Variants in DRC1 observed in about 807,000 individuals in gnomAD.
DRC1 encodes the protein dynein regulatory complex subunit 1.
DRC1 carries 74 observed loss-of-function variants against 98.7 expected under a neutral mutation model. The ratio of observed to expected loss-of-function variants is 0.75; its 90% confidence interval spans 0.62 to 0.91. The LOEUF is 0.91. DRC1 is among the 40% of genes least tolerant of loss of function. DRC1 has a pLI of 0.00. For synonymous variants in DRC1, 336 were observed against 334.1 expected (o/e 1.01, Z -0.06); for missense variants, 875 against 886.0 (o/e 0.99, Z 0.16).
chr2:26,455,053 C>T, intron 15 of DRC1, 78 bp from the exon 16 acceptor site: 1 of 1,535,442 alleles, frequency 6.5e-7, no homozygotes, highest in Non-Finnish European at 9.0e-7. Context: ...AGCCAAAGTA[C>T]AACCACCAAG....
chr2:26,423,927 G>A (rs1466183829), intron 3 of DRC1, among the ~76,000 whole-genome samples: 1 of 152,224 alleles, frequency 6.6e-6, no homozygotes, highest in Non-Finnish European at 1.5e-5. Context: ...TGTGACTCCA[G>A]AGACCCAGTG....
intron 2 of DRC1, among the ~76,000 whole-genome samples, 186 bp downstream of exon 2, chr2:26,414,617 C>A (rs980701027): frequency 6.6e-6 from 1 of 152,176 alleles, no homozygotes; most frequent in African/African-American, 2.4e-5. Context: ...CTTATATTTA[C>A]GCTGTCTCTT....
In DRC1 at chr2:26,407,151, A is replaced by G. The variant is rs955356846; in HGVS notation, c.155+5007A>G. Among the ~76,000 whole-genome samples, 15 of 152,036 alleles carry G rather than the reference A, an allele frequency of 9.9e-5. 1 individual carries two copies. The highest frequency in any genetic ancestry group is 2.9e-5 in the Non-Finnish European group (2 of 68,014). On this transcript the variant is annotated intron_variant, in intron 1 of 16. Transcript: ENST00000288710. ...TGTCACTTCTGGGTAAAGATGCGAGATGGAACACATACATCTACCTTAGAT... is the reference window on the plus strand; with the variant it reads ...TGTCACTTCTGGGTAAAGATGCGAGGTGGAACACATACATCTACCTTAGAT...
In DRC1 at chr2:26,456,693, T is replaced by C. The variant is rs1194470117; in HGVS notation, c.*176T>C. ...GAGTTACCTGTGTCCTGCATTATGATTAAAGCCTTTTAAAGTTGTGGCTGA... is the reference window on the plus strand; with the variant it reads ...GAGTTACCTGTGTCCTGCATTATGACTAAAGCCTTTTAAAGTTGTGGCTGA... On this transcript the variant is annotated 3_prime_UTR_variant, in exon 17 of 17. Coordinates refer to ENST00000288710, the MANE Select transcript of DRC1 (RefSeq NM_145038.5). 2 of 656,650 alleles carry C rather than the reference T, an allele frequency of 3.0e-6. No homozygotes were observed. The highest frequency in any genetic ancestry group is 2.6e-6 in the Non-Finnish European group (1 of 388,644). 40.7% of individuals were successfully genotyped at this position (656,650 alleles called of 1,614,324 possible). A position where few individuals can be genotyped will look rare whatever the true frequency, so the allele number is the denominator to read the frequency against.
At chr2:26,455,342 A>T in intron 16 of DRC1, 109 bp downstream of exon 16, 2 of 1,012,874 alleles carry the variant, frequency 2.0e-6, no homozygotes, top group Middle Eastern at 3.2e-4. Context: ...GAGGCAAGGG[A>T]GCTTTGTGAT....
At chr2:26,405,653 C>CTTTTTTTTT (rs10601492) in intron 1 of DRC1, among the ~76,000 whole-genome samples, 1 of 53,562 alleles carries the variant, frequency 1.9e-5, no homozygotes, top group African/African-American at 6.9e-5. Flanking sequence ...AAGGCTATAT[C>CTTTTTTTTT]TTTTTTTTTT....
chr2:26,444,064 A>G (rs1558451064), intron 8 of DRC1, among the ~76,000 whole-genome samples, 158 bp from the exon 9 acceptor site: 2 of 152,020 alleles, frequency 1.3e-5, no homozygotes, highest in Non-Finnish European at 2.9e-5. Flanking sequence ...CCTTTTGTTG[A>G]TCAAAATGGG....
intron 1 of DRC1, among the ~76,000 whole-genome samples, chr2:26,402,520 C>CTGTG (rs1273862613): frequency 6.6e-6 from 1 of 152,238 alleles, no homozygotes; most frequent in Non-Finnish European, 1.5e-5. Context: ...GCTGCTTACA[C>CTGTG]TGTGGCCTGG....
intron 16 of DRC1, among the ~76,000 whole-genome samples, chr2:26,456,230 G>A (rs78148449): frequency 1.8e-4 from 27 of 152,292 alleles, no homozygotes; most frequent in South Asian, 1.7e-3. Context: ...ATGGACGGGC[G>A]GGAGATGAAG....
In DRC1 at chr2:26,454,089, C is replaced by A. The variant is rs1664078821; in HGVS notation, c.1919+540C>A. On this transcript the variant is annotated intron_variant, in intron 14 of 16. Transcript: ENST00000288710. The surrounding 1 kb of genome is among the most constrained non-coding windows in gnomAD (Gnocchi z 5.2). ...CTGGTGGGTGGGGAGCTAGCCAGGT[C>A]TTGGAGAGCCTTGCCCAATGTGCCC... Among the ~76,000 whole-genome samples the A allele has an allele frequency of 6.6e-6, 1 of 152,130 alleles. No homozygotes were observed. The highest frequency in any genetic ancestry group is 1.5e-5 in the Non-Finnish European group (1 of 68,022).
chr2:26,456,539 GT>G lies in DRC1; in HGVS notation c.*23del. On this transcript the variant is annotated 3_prime_UTR_variant, in exon 17 of 17. Coordinates refer to ENST00000288710, the MANE Select transcript of DRC1 (RefSeq NM_145038.5). The stretch of plus-strand genomic sequence containing the variant: ...ATGAGCTGGACCGCCAAAGGCTGAT[GT>G]GTTAGGGCTGGCCTGATGCTGGTGT... The G allele has an allele frequency of 6.2e-7, 1 of 1,614,002 alleles. No individual in the cohort carries two copies. The highest frequency in any genetic ancestry group is 8.5e-7 in the Non-Finnish European group (1 of 1,179,868).
At chr2:26,422,393 A>T (rs1306469947) in intron 3 of DRC1, among the ~76,000 whole-genome samples, 1 of 152,184 alleles carries the variant, frequency 6.6e-6, no homozygotes, top group South Asian at 2.1e-4. Flanking sequence ...GCATAGAAGG[A>T]TGGAGGTTCA....
chr2:26,422,385 A>G (rs1014643987), intron 3 of DRC1, among the ~76,000 whole-genome samples: 1 of 152,236 alleles, frequency 6.6e-6, no homozygotes, highest in Non-Finnish European at 1.5e-5. Flanking sequence ...GGCTCCATGC[A>G]TAGAAGGATG....
rs201091945 is a variant in DRC1, at chr2:26,439,948, TAC to T, written c.889-416_889-415del. 3.3e-4 allele frequency among the ~76,000 whole-genome samples: 41 copies of T among 124,816 alleles called. No individual in the cohort carries two copies. The East Asian group carries it at 3.7e-3, about 11-fold the overall frequency. 81.9% of individuals were successfully genotyped at this position (124,816 alleles called of 152,430 possible). A position where few individuals can be genotyped will look rare whatever the true frequency, so the allele number is the denominator to read the frequency against. On this transcript the variant is annotated intron_variant, in intron 7 of 16. Transcript: ENST00000288710. ...ATATATATATATATACACACACACA[TAC>T]ACACACACACACATATATATATACA...
intron 1 of DRC1, among the ~76,000 whole-genome samples, chr2:26,408,628 C>T (rs1044459204): frequency 3.9e-5 from 6 of 151,904 alleles, no homozygotes; most frequent in East Asian, 3.9e-4. Context: ...TGAAAATTAG[C>T]GGCGTGGTGG....
chr2:26,448,059 T>G (rs1404141550), intron 10 of DRC1, among the ~76,000 whole-genome samples: 1 of 150,968 alleles, frequency 6.6e-6, no homozygotes, highest in African/African-American at 2.4e-5. Context: ...ACCCCATCTC[T>G]ACGAAAAACA....
chr2:26,419,356 A>C (rs1362605085), intron 2 of DRC1, among the ~76,000 whole-genome samples: 2 of 152,178 alleles, frequency 1.3e-5, no homozygotes, highest in Non-Finnish European at 2.9e-5. Context: ...TGAGTCTTAA[A>C]TACTTGATTC....
Position 26,431,868 on chromosome 2 carries a change from C to A in DRC1, c.766-16C>A, listed in dbSNP as rs2147992254. 4 of 1,613,186 alleles carry A rather than the reference C, an allele frequency of 2.5e-6. No individual in the cohort carries two copies. In the East Asian group the frequency reaches 8.9e-5, roughly 36 times the overall value. ...GGATGGTCCCTAACTTTTCCCTTGT[C>A]TTCCTGTGCCTTTAGCTGGAGTATC... On this transcript the variant is annotated splice_polypyrimidine_tract_variant and intron_variant, in intron 6 of 16. Transcript: ENST00000288710.
At chr2:26,409,885 A>G (rs1244384497) in intron 1 of DRC1, among the ~76,000 whole-genome samples, 1 of 152,168 alleles carries the variant, frequency 6.6e-6, no homozygotes. Flanking sequence ...TTTAACATGA[A>G]TGGTAGATAT....
Sources: allele counts gnomAD v4.1 joint callset (sites outside exome capture counted in the v4.1 genomes callset), GRCh38; gene constraint gnomAD v4.1.1; non-coding constraint Gnocchi (gnomAD v3.1); transcripts MANE v1.5; gene names NCBI Gene and HGNC (gene_info 2026-07-23, HGNC 2026-07-21).